The following PNPO variants were observed in gnomAD, a reference collection of about 807,000 sequenced individuals.
The protein encoded by PNPO is pyridoxamine 5'-phosphate oxidase.
PNPO carries 39 observed loss-of-function variants against 35.0 expected under a neutral mutation model. That is an observed-to-expected ratio of 1.11 (90% CI 0.86 to 1.45). The LOEUF is 1.45. Among genes scored for constraint, PNPO ranks in the 40% most tolerant of loss-of-function variants. The probability of loss-of-function intolerance (pLI) is 0.00; values close to 1 mark genes in which losing one functional copy is unlikely to be tolerated. For synonymous variants in PNPO, 115 were observed against 119.8 expected (o/e 0.96, Z 0.26); for missense variants, 288 against 340.0 (o/e 0.85, Z 1.20).
chr17:47,947,194 T>A lies in PNPO; in HGVS notation c.*412T>A, dbSNP rs2036022287. 5.4e-6 allele frequency: 1 copy of A among 185,598 alleles called. No homozygotes were observed. Among genetic ancestry groups the A allele is most frequent in the South Asian group, 1.1e-4 (1 of 9,452 alleles). 11.5% of individuals were successfully genotyped at this position (185,598 alleles called of 1,614,324 possible). ...CCTGAGCCAACCTGGCCAATCAGAT[T>A]GTTTTGTCAATAATTTGAAATTTGA... On this transcript the variant is annotated 3_prime_UTR_variant, in exon 7 of 7. Transcript: ENST00000642017.
At chr17:47,946,207 G>A (rs2036006610) in intron 5 of PNPO, 116 bp from the exon 6 acceptor site, 5 of 1,023,378 alleles carry the variant, frequency 4.9e-6, no homozygotes, top group Non-Finnish European at 7.7e-6. Context: ...TGCTCCTGGA[G>A]GACAGAGGCC....
intron 1 of PNPO, among the ~76,000 whole-genome samples, chr17:47,942,520 G>A (rs527311163): frequency 2.2e-4 from 34 of 152,292 alleles, no homozygotes; most frequent in Non-Finnish European, 4.3e-4. Flanking sequence ...GAATATGGGG[G>A]AAGGGGACTA....
At position 47,944,899 on chromosome 17, in the gene PNPO, ACCAG is replaced by A. The variant is rs1345999125; in HGVS notation, c.363+187_363+190del. ...CATAAATGAATGAATGCACTTTCTAACCAGCCTCACCCCATCAGCCATGACCTGT... is the reference window on the plus strand; with the variant it reads ...CATAAATGAATGAATGCACTTTCTAACCTCACCCCATCAGCCATGACCTGT... On this transcript the variant is annotated intron_variant, in intron 3 of 6. Transcript: ENST00000642017. 1.2e-5 allele frequency: 8 copies of A among 657,558 alleles called. No homozygotes were observed. In the Admixed American group the frequency reaches 1.3e-4, roughly 10 times the overall value. 40.7% of individuals were successfully genotyped at this position (657,558 alleles called of 1,614,324 possible).
chr17:47,945,995 T>C lies in PNPO; in HGVS notation c.546+6T>C, dbSNP rs781209359. 6.2e-7 allele frequency: 1 copy of C among 1,613,502 alleles called. No individual in the cohort carries two copies. Reference sequence around the variant, plus strand: ...CTGTGATCCCTGATCGGGAGGTGAGTGGAGCTCCGCTGTAGTCCTCCAGGT... The same window carrying C: ...CTGTGATCCCTGATCGGGAGGTGAGCGGAGCTCCGCTGTAGTCCTCCAGGT... On this transcript the variant is annotated splice_donor_region_variant and intron_variant, in intron 5 of 6. Coordinates refer to ENST00000642017, the MANE Select transcript of PNPO (RefSeq NM_018129.4). The surrounding 1 kb of genome is among the most constrained non-coding windows in gnomAD (Gnocchi z 4.0).
rs983559964 is a variant in PNPO at position 47,945,764 on chromosome 17, G to C, written c.418-97G>C. 6 of 1,524,060 alleles carry C rather than the reference G, an allele frequency of 3.9e-6. No homozygotes were observed. The highest frequency in any genetic ancestry group is 4.5e-6 in the Non-Finnish European group (5 of 1,109,318). 94.4% of individuals were successfully genotyped at this position (1,524,060 alleles called of 1,614,324 possible). On this transcript the variant is annotated intron_variant, in intron 4 of 6. Coordinates refer to ENST00000642017, the MANE Select transcript of PNPO (RefSeq NM_018129.4). The surrounding 1 kb of genome is among the most constrained non-coding windows in gnomAD (Gnocchi z 4.0). The stretch of plus-strand genomic sequence containing the variant: ...CCCTCAGTTAGTTGGAGCCAAGAGT[G>C]GTGGGGCAGCCGATCGAACAGAGAG...
chr17:47,943,862 G>A lies in PNPO; in HGVS notation c.263+432G>A, dbSNP rs541349941. Among the ~76,000 whole-genome samples, 10 of 152,224 alleles carry A rather than the reference G, an allele frequency of 6.6e-5. No individual in the cohort carries two copies. In the South Asian group the frequency reaches 1.9e-3, roughly 28 times the overall value. ...ATTAGCCTGTTATTCAATTCTCCTC[G>A]ATAAAGTGTAAGGCCTTGTAGCCAG... On this transcript the variant is annotated intron_variant, in intron 2 of 6. Coordinates refer to ENST00000642017, the MANE Select transcript of PNPO (RefSeq NM_018129.4).
chr17:47,945,711 C>G lies in PNPO; in HGVS notation c.417+99C>G. 1.4e-6 allele frequency: 2 copies of G among 1,446,304 alleles called. No homozygotes were observed. Among genetic ancestry groups the G allele is most frequent in the East Asian group, 4.5e-5 (2 of 44,034 alleles). The allele number at this position is 1,446,304 out of a possible 1,614,324, so 89.6% of individuals were successfully genotyped here. A position where few individuals can be genotyped will look rare whatever the true frequency, so the allele number is the denominator to read the frequency against. On this transcript the variant is annotated intron_variant, in intron 4 of 6. Coordinates refer to ENST00000642017, the MANE Select transcript of PNPO (RefSeq NM_018129.4). The surrounding 1 kb of genome is among the most constrained non-coding windows in gnomAD (Gnocchi z 4.0). Reference sequence around the variant, plus strand: ...AAGGTCCCCAGACTGGGCAAACATCCCAGCTGGGCACTCTGCCTCTAAAAT... The same window carrying G: ...AAGGTCCCCAGACTGGGCAAACATCGCAGCTGGGCACTCTGCCTCTAAAAT...
chr17:47,941,600 A>G lies in PNPO; in HGVS notation c.-76A>G. On this transcript the variant is annotated 5_prime_UTR_variant, in exon 1 of 7. Coordinates refer to ENST00000642017, the MANE Select transcript of PNPO (RefSeq NM_018129.4). ...CCTTCCTTCCCCGGGGTAGAAGTCC[A>G]GGGTGAGAAATTGGTTCCGAACTCA... is the stretch of plus-strand genomic sequence containing the variant. 1 of 1,451,100 alleles carries G rather than the reference A, an allele frequency of 6.9e-7. No homozygotes were observed. Among genetic ancestry groups the G allele is most frequent in the African/African-American group, 1.4e-5 (1 of 70,798 alleles). 89.9% of individuals were successfully genotyped at this position (1,451,100 alleles called of 1,614,324 possible).
chr17:47,946,868 C>T lies in PNPO; in HGVS notation c.*86C>T. 1 of 1,290,588 alleles carries T rather than the reference C, an allele frequency of 7.7e-7. No individual in the cohort carries two copies. The highest frequency in any genetic ancestry group is 1.1e-6 in the Non-Finnish European group (1 of 897,652). 79.9% of individuals were successfully genotyped at this position (1,290,588 alleles called of 1,614,324 possible). A position where few individuals can be genotyped will look rare whatever the true frequency, so the allele number is the denominator to read the frequency against. On this transcript the variant is annotated 3_prime_UTR_variant, in exon 7 of 7. Transcript: ENST00000642017. The stretch of plus-strand genomic sequence containing the variant: ...TGGGACCCAGGCCCTTCTTTCTAAA[C>T]TCAACCCATTTCCCTCCCTACCCCT...
chr17:47,941,727 T>TGGCC lies in PNPO; in HGVS notation c.53_56dup (p.Gly20AlafsTer31). 6.5e-7 allele frequency: 1 copy of TGGCC among 1,546,758 alleles called. No homozygotes were observed. The highest frequency in any genetic ancestry group is 8.7e-7 in the Non-Finnish European group (1 of 1,143,784). On this transcript the variant is annotated frameshift_variant, in exon 1 of 7. Coordinates refer to ENST00000642017, the MANE Select transcript of PNPO (RefSeq NM_018129.4). LOFTEE classifies it high-confidence loss of function. ...GGCGACGTTCGGGCGACCTGCCGAG[T>TGGCC]GGCCAGGCTACCTCAGTCACCTGTG...
At position 47,943,446 on chromosome 17, in the gene PNPO, G is replaced by C; in HGVS notation, c.263+16G>C. The C allele has an allele frequency of 6.2e-7, 1 of 1,612,822 alleles. No individual in the cohort carries two copies. The highest frequency in any genetic ancestry group is 8.5e-7 in the Non-Finnish European group (1 of 1,179,130). On this transcript the variant is annotated intron_variant, in intron 2 of 6. Transcript: ENST00000642017. The stretch of plus-strand genomic sequence containing the variant: ...CCTGCACCAGGTGGGCATGGCTGTG[G>C]GCCCCTCTTTGGGTGGATACATATG...
rs142149821 is a variant in PNPO at position 47,945,902 on chromosome 17, G to A, written c.459G>A (p.Glu153=). ...EGPVKKLPEE[E]AECYFHSRPK... The stretch of plus-strand genomic sequence containing the variant: ...CTGTGAAGAAACTGCCTGAGGAGGA[G>A]GCTGAGTGCTACTTCCACTCCCGCC... Residue 153 remains glutamate (E), a synonymous_variant, in exon 5 of 7, where the codon GAG becomes GAA. Transcript: ENST00000642017. This position sits in a 1 kb window ranked among gnomAD's most constrained non-coding sequence, Gnocchi z 4.0. 3 of 1,613,780 alleles carry A rather than the reference G, an allele frequency of 1.9e-6. No homozygotes were observed. Among genetic ancestry groups the A allele is most frequent in the African/African-American group, 1.3e-5 (1 of 74,930 alleles).
chr17:47,942,029 CAA>C, intron 1 of PNPO: 1 of 1,325,162 alleles, frequency 7.5e-7, no homozygotes, highest in African/African-American at 1.5e-5. Context: ...AAGATGGGTT[CAA>C]AAGGCAGCCT....
chr17:47,944,199 T>C, intron 2 of PNPO, among the ~76,000 whole-genome samples: 1 of 93,336 alleles, frequency 1.1e-5, no homozygotes, highest in Admixed American at 1.2e-4. Flanking sequence ...ACACTGCCTT[T>C]CGTGTGTGTG....
chr17:47,941,745 C>A lies in PNPO; in HGVS notation c.70C>A (p.His24Asn). ...RPAEWPGYLSHLCGRSAAMDL... is the reference protein window; with the variant it reads ...RPAEWPGYLSNLCGRSAAMDL... ...TGCCGAGTGGCCAGGCTACCTCAGT[C>A]ACCTGTGTGGTCGCAGTGCTGCCAT... The change falls in exon 1 of 7, where the codon CAC (histidine) becomes AAC (asparagine). Residue 24 changes from histidine (H) to asparagine (N), a missense_variant. His to Asn is a moderately conservative substitution (Grantham distance 68). Transcript: ENST00000642017. 6.4e-7 allele frequency: 1 copy of A among 1,557,028 alleles called. No homozygotes were observed. Among genetic ancestry groups the A allele is most frequent in the Non-Finnish European group, 8.7e-7 (1 of 1,150,290 alleles).
In PNPO at chr17:47,941,595, A is replaced by T; in HGVS notation, c.-81A>T. 1 of 1,442,490 alleles carries T rather than the reference A, an allele frequency of 6.9e-7. No individual in the cohort carries two copies. The highest frequency in any genetic ancestry group is 9.2e-7 in the Non-Finnish European group (1 of 1,089,260). 89.4% of individuals were successfully genotyped at this position (1,442,490 alleles called of 1,614,324 possible). A position where few individuals can be genotyped will look rare whatever the true frequency, so the allele number is the denominator to read the frequency against. The stretch of plus-strand genomic sequence containing the variant: ...CAAATCCTTCCTTCCCCGGGGTAGA[A>T]GTCCAGGGTGAGAAATTGGTTCCGA... On this transcript the variant is annotated 5_prime_UTR_variant, in exon 1 of 7. The change creates a new upstream start codon in the 5' untranslated region. Coordinates refer to ENST00000642017, the MANE Select transcript of PNPO (RefSeq NM_018129.4).
Position 47,946,334 on chromosome 17 carries a change from GA to G in PNPO, c.563del (p.Asn188MetfsTer28). The G allele has an allele frequency of 6.2e-7, 1 of 1,612,890 alleles. No individual in the cohort carries two copies. The highest frequency in any genetic ancestry group is 8.5e-7 in the Non-Finnish European group (1 of 1,178,912). On this transcript the variant is annotated frameshift_variant, in exon 6 of 7. Transcript: ENST00000642017. LOFTEE classifies it high-confidence loss of function. ...VIPDREYLRK[K>X]NEELEQLYQD... is the part of the protein sequence containing the mutation. ...TTCCCCCTGGACAGTATCTGAGAAA[GA>G]AAAATGAGGAACTGGAACAGCTCTA...
In PNPO at chr17:47,947,157, C is replaced by T. The variant is rs1037820283; in HGVS notation, c.*375C>T. Reference sequence around the variant, plus strand: ...GAGTCATACTGGCCAAAGCTTAGTCCTAGCATATGCACCTGAGCCAACCTG... The same window carrying T: ...GAGTCATACTGGCCAAAGCTTAGTCTTAGCATATGCACCTGAGCCAACCTG... On this transcript the variant is annotated 3_prime_UTR_variant, in exon 7 of 7. Transcript: ENST00000642017. The T allele has an allele frequency of 8.2e-6, 2 of 244,662 alleles. No homozygotes were observed. Among genetic ancestry groups the T allele is most frequent in the African/African-American group, 4.5e-5 (2 of 44,862 alleles). The allele number at this position is 244,662 out of a possible 1,614,324, so 15.2% of individuals were successfully genotyped here. A position where few individuals can be genotyped will look rare whatever the true frequency, so the allele number is the denominator to read the frequency against.
In PNPO at chr17:47,948,073, T is replaced by G. The variant is rs1166321763; in HGVS notation, c.*1291T>G. 2.0e-5 allele frequency: 3 copies of G among 152,288 alleles called. No individual in the cohort carries two copies. Among genetic ancestry groups the G allele is most frequent in the Middle Eastern group, 3.4e-3 (1 of 292 alleles). The allele number at this position is 152,288 out of a possible 1,614,324, so 9.4% of individuals were successfully genotyped here. A position where few individuals can be genotyped will look rare whatever the true frequency, so the allele number is the denominator to read the frequency against. On this transcript the variant is annotated 3_prime_UTR_variant, in exon 7 of 7. Transcript: ENST00000642017. ...CAATATTGGGAGAGATTTCAAACAA[T>G]CACACCTGCCTGAGAAGGAGTGGGC... is the stretch of plus-strand genomic sequence containing the variant.
Sources: gnomAD v4.1 joint callset for allele counts (sites outside exome capture counted in the v4.1 genomes callset) on GRCh38, gnomAD v4.1.1 for gene constraint, Gnocchi (gnomAD v3.1) non-coding constraint, MANE v1.5 for transcripts, NCBI Gene and HGNC (gene_info 2026-07-23, HGNC 2026-07-21) for gene names.